EPB41L5: variants seen among roughly 807,000 people sequenced by gnomAD.
The protein encoded by EPB41L5 is band 4.1-like protein 5.
EPB41L5 carries 55 observed loss-of-function variants against 106.6 expected under a neutral mutation model. That is an observed-to-expected ratio of 0.52 (90% CI 0.42 to 0.65). The LOEUF (loss-of-function observed/expected upper bound fraction) is 0.65, where lower values mean the gene tolerates loss of function less well. EPB41L5 is among the 30% of genes least tolerant of loss of function. The probability of loss-of-function intolerance (pLI) is 0.00; values close to 1 mark genes in which losing one functional copy is unlikely to be tolerated. For missense variants in EPB41L5, 871 were observed against 882.1 expected (o/e 0.99, Z 0.16); for synonymous variants, 297 against 306.7 (o/e 0.97, Z 0.33).
rs1683324425 is a variant in EPB41L5, at chr2:120,090,337, T to C, written c.874-10T>C. On this transcript the variant is annotated splice_polypyrimidine_tract_variant and intron_variant, in intron 11 of 24. Coordinates refer to ENST00000263713, the MANE Select transcript of EPB41L5 (RefSeq NM_020909.4). ...GTAATCATCCTTTTATATATACTTT[T>C]CTTTTTCAGGGCAAAGAACAGGAAC... The C allele has an allele frequency of 1.3e-6, 2 of 1,587,198 alleles. No homozygotes were observed. Among genetic ancestry groups the C allele is most frequent in the Non-Finnish European group, 1.7e-6 (2 of 1,170,238 alleles).
intron 16 of EPB41L5, among the ~76,000 whole-genome samples, chr2:120,102,409 A>G (rs1684198573): frequency 6.6e-6 from 1 of 152,182 alleles, no homozygotes; most frequent in South Asian, 2.1e-4. Flanking sequence ...TCTTTATAAC[A>G]TAATAAGCCT....
chr2:120,015,122 GACT>G (rs1553486950), intron 1 of EPB41L5, among the ~76,000 whole-genome samples: 2 of 151,340 alleles, frequency 1.3e-5, no homozygotes, highest in Admixed American at 6.6e-5. Flanking sequence ...AGGAGATGGA[GACT>G]ATCCTGGCTA....
chr2:120,037,638 C>T (rs1354488489), intron 2 of EPB41L5, among the ~76,000 whole-genome samples: 2 of 151,660 alleles, frequency 1.3e-5, no homozygotes, highest in African/African-American at 4.8e-5. Context: ...GCAACATAGC[C>T]AGACCCCATC....
chr2:120,078,154 G>A (rs72841605), intron 9 of EPB41L5, among the ~76,000 whole-genome samples: 7,001 of 152,188 alleles, frequency 0.046, 231 homozygotes, highest in Non-Finnish European at 0.072. Flanking sequence ...GAGCCAAACC[G>A]TATCAGCAGT....
chr2:120,109,682 C>A (rs2105423606), intron 16 of EPB41L5, among the ~76,000 whole-genome samples: 1 of 152,306 alleles, frequency 6.6e-6, no homozygotes, highest in South Asian at 2.1e-4. Context: ...CTCATCAGAA[C>A]AAAAACTTCC....
intron 16 of EPB41L5, among the ~76,000 whole-genome samples, chr2:120,113,818 T>A (rs1684831202): frequency 6.6e-6 from 1 of 152,258 alleles, no homozygotes; most frequent in Non-Finnish European, 1.5e-5. Flanking sequence ...CAAGGTCATC[T>A]GTTTTAGCAT....
chr2:120,168,285 T>C (rs948624073), intron 24 of EPB41L5, among the ~76,000 whole-genome samples: 3 of 152,168 alleles, frequency 2.0e-5, no homozygotes, highest in Admixed American at 1.3e-4. Flanking sequence ...ATTTGTATTG[T>C]TTCCCTTTAC....
intron 20 of EPB41L5, among the ~76,000 whole-genome samples, chr2:120,150,190 C>T (rs536406673): frequency 1.6e-4 from 25 of 152,288 alleles, no homozygotes; most frequent in Admixed American, 6.5e-5. Context: ...AGCCACCACA[C>T]CCAGCCTCAG....
intron 16 of EPB41L5, among the ~76,000 whole-genome samples, chr2:120,125,105 T>C (rs557959981): frequency 6.6e-6 from 1 of 152,382 alleles, no homozygotes; most frequent in African/African-American, 2.4e-5. Flanking sequence ...ATTCTGTCAT[T>C]TCTTCTATAG....
chr2:120,118,436 T>G lies in EPB41L5; in HGVS notation c.1338-9252T>G, dbSNP rs370883158. ...ATAGGTAAATGTGTGCCATGGTGTT[T>G]TGCTGCACAGATCATACCATCACCT... On this transcript the variant is annotated intron_variant, in intron 16 of 24. Coordinates refer to ENST00000263713, the MANE Select transcript of EPB41L5 (RefSeq NM_020909.4). 9.6e-4 allele frequency among the ~76,000 whole-genome samples: 146 copies of G among 152,286 alleles called. No homozygotes were observed. In the South Asian group the frequency reaches 0.011, roughly 11 times the overall value.
intron 2 of EPB41L5, among the ~76,000 whole-genome samples, chr2:120,022,255 A>G (rs185594762): frequency 2.9e-4 from 44 of 152,240 alleles, no homozygotes; most frequent in Non-Finnish European, 5.1e-4. Flanking sequence ...ACATAGGTAT[A>G]CACGTGCCAT....
chr2:120,035,621 TCA>T (rs958558161), intron 2 of EPB41L5, among the ~76,000 whole-genome samples: 10 of 152,162 alleles, frequency 6.6e-5, no homozygotes, highest in African/African-American at 1.7e-4. Context: ...AGTGCAGTCT[TCA>T]CACCTGTGAA....
chr2:120,098,156 TTGTGTGTGTGTG>T (rs60975047), intron 14 of EPB41L5, among the ~76,000 whole-genome samples: 1 of 133,668 alleles, frequency 7.5e-6, no homozygotes, highest in Non-Finnish European at 1.6e-5. Flanking sequence ...ATTGTTTGTT[TTGTGTGTGTGTG>T]TGTGTGTGTG....
chr2:120,101,146 T>A (rs962794918), intron 16 of EPB41L5, among the ~76,000 whole-genome samples: 3 of 152,216 alleles, frequency 2.0e-5, no homozygotes, highest in Non-Finnish European at 4.4e-5. Context: ...GACAGTAGAA[T>A]ATTTTCCCAG....
chr2:120,104,024 C>G, intron 16 of EPB41L5: 1 of 1,491,290 alleles, frequency 6.7e-7, no homozygotes, highest in Non-Finnish European at 8.9e-7. Flanking sequence ...TTCCTATTGA[C>G]TAACTGTGCT....
chr2:120,054,601 G>A (rs542347419), intron 3 of EPB41L5, among the ~76,000 whole-genome samples: 34 of 151,286 alleles, frequency 2.2e-4, no homozygotes, highest in Admixed American at 1.7e-3. Context: ...CTCCCGGTTC[G>A]AGCAGTTCTC....
chr2:120,079,248 C>G (rs866213221), intron 10 of EPB41L5, among the ~76,000 whole-genome samples: 4 of 152,180 alleles, frequency 2.6e-5, no homozygotes, highest in Non-Finnish European at 5.9e-5. Context: ...TCTGACACAT[C>G]CAGTTACTTT....
chr2:120,015,944 T>C (rs1677491383), intron 1 of EPB41L5, among the ~76,000 whole-genome samples: 1 of 150,930 alleles, frequency 6.6e-6, no homozygotes, highest in Non-Finnish European at 1.5e-5. Context: ...ATAAAACAAC[T>C]GTATTGTATG....
chr2:120,092,754 TAA>T (rs1286015336), intron 13 of EPB41L5, among the ~76,000 whole-genome samples: 1 of 152,238 alleles, frequency 6.6e-6, no homozygotes, highest in East Asian at 1.9e-4. Flanking sequence ...TTTAAAACCC[TAA>T]GTTTCCTCTT....
Sources: allele counts gnomAD v4.1 joint callset (sites outside exome capture counted in the v4.1 genomes callset), GRCh38; gene constraint gnomAD v4.1.1; transcripts MANE v1.5; gene names NCBI Gene and HGNC (gene_info 2026-07-23, HGNC 2026-07-21).